ASMT: variants seen among roughly 807,000 people sequenced by gnomAD.
ASMT encodes the protein acetylserotonin O-methyltransferase, also known as acetylserotonin N-methyltransferase.
ASMT carries 53 observed loss-of-function variants against 41.3 expected under a neutral mutation model. The observed-to-expected ratio is 1.28, with a 90% CI of 1.03 to 1.61. ASMT has a LOEUF of 1.61. Among genes scored for constraint, ASMT ranks in the 40% most tolerant of loss-of-function variants. The pLI, the probability that ASMT is intolerant of heterozygous loss-of-function variation, is 0.00. For synonymous variants in ASMT, 231 were observed against 184.8 expected, an observed-to-expected ratio of 1.25 and a Z score of -2.03; for missense variants, 531 against 441.3, an observed-to-expected ratio of 1.20 and a Z score of -1.82.
intron 4 of ASMT, 132 bp downstream of exon 4, chrX:1,627,903 C>G: frequency 1.1e-6 from 1 of 884,958 alleles, no homozygotes; most frequent in Non-Finnish European, 1.9e-6. Context: ...AAAATAACAT[C>G]CCCTATCCCC....
chrX:1,625,241 A>G (rs1342432777), intron 3 of ASMT, among the ~76,000 whole-genome samples: 1 of 150,852 alleles, frequency 6.6e-6, no homozygotes. Context: ...AGTAGCTGGG[A>G]CTACAGGAAC....
In ASMT at chrX:1,615,164, A is replaced by C. The variant is rs1934030843; in HGVS notation, c.-36A>C. ...CTGTGCTCCTTGAAGCAAGCGCTCC[A>C]GAGGCTCCGGAAGCCACGGCTGGAT... On this transcript the variant is annotated 5_prime_UTR_variant, in exon 1 of 9. Transcript: ENST00000381241. The C allele has an allele frequency of 1.3e-6, 2 of 1,564,128 alleles. No homozygotes were observed. Among genetic ancestry groups the C allele is most frequent in the Non-Finnish European group, 1.7e-6 (2 of 1,152,924 alleles).
chrX:1,626,114 G>C (rs762026961), intron 3 of ASMT, among the ~76,000 whole-genome samples: 96 of 152,070 alleles, frequency 6.3e-4, no homozygotes, highest in Non-Finnish European at 1.0e-3. Context: ...TCAGAAAAAA[G>C]GAAGGAAAAG....
intron 5 of ASMT, among the ~76,000 whole-genome samples, chrX:1,630,495 C>T (rs5949027): frequency 0.13 from 19,476 of 151,548 alleles, 1,075 homozygotes; most frequent in Middle Eastern, 0.17. Context: ...TTAATAGAGA[C>T]GGGGTTTTGC....
At chrX:1,625,675 C>T (rs1934512527) in intron 3 of ASMT, among the ~76,000 whole-genome samples, 1 of 151,434 alleles carries the variant, frequency 6.6e-6, no homozygotes, top group South Asian at 2.1e-4. Context: ...GTCTGGGTGG[C>T]CGGACGCAGT....
chrX:1,636,176 C>G (rs1450708068), intron 7 of ASMT: 2 of 506,490 alleles, frequency 3.9e-6, no homozygotes, highest in African/African-American at 1.9e-5. Context: ...CCAGGATGGT[C>G]TTGATCTCCT....
chrX:1,630,441 G>C (rs1279087712), intron 5 of ASMT, among the ~76,000 whole-genome samples: 10 of 152,012 alleles, frequency 6.6e-5, no homozygotes, highest in African/African-American at 2.4e-4. Context: ...GAGTAGGTGG[G>C]ATTATGGGTG....
At chrX:1,634,679 T>C (rs753157556) in intron 7 of ASMT, among the ~76,000 whole-genome samples, 1 of 148,690 alleles carries the variant, frequency 6.7e-6, no homozygotes, top group Admixed American at 6.6e-5. Context: ...TTTCTTGTTT[T>C]TTTGAGACGG....
intron 5 of ASMT, among the ~76,000 whole-genome samples, chrX:1,631,864 G>A (rs1291952885): frequency 6.6e-6 from 1 of 151,980 alleles, no homozygotes; most frequent in Non-Finnish European, 1.5e-5. Context: ...CCTGACCAAC[G>A]GGGTGAAACC....
At chrX:1,642,190 G>T (rs768969210) in intron 8 of ASMT, among the ~76,000 whole-genome samples, 1 of 144,468 alleles carries the variant, frequency 6.9e-6, no homozygotes, top group Non-Finnish European at 1.5e-5. Flanking sequence ...CTCTGTGTGT[G>T]ATAAGGACAG....
chrX:1,620,967 G>A (rs1359482788), intron 1 of ASMT, among the ~76,000 whole-genome samples: 4 of 151,850 alleles, frequency 2.6e-5, no homozygotes, highest in Admixed American at 6.6e-5. Flanking sequence ...GTGGTGGCAC[G>A]TGCCTGTAAT....
chrX:1,629,039 C>G (rs1461137549), intron 4 of ASMT, among the ~76,000 whole-genome samples: 3 of 142,862 alleles, frequency 2.1e-5, no homozygotes, highest in African/African-American at 8.9e-5. Flanking sequence ...TCCCTCCCTC[C>G]TTTCTTTCTT....
chrX:1,636,111 A>G (rs1328728338), intron 7 of ASMT: 1 of 364,032 alleles, frequency 2.7e-6, no homozygotes, highest in Non-Finnish European at 5.4e-6. Flanking sequence ...ACCCGCCATC[A>G]CGCCCGGCTA....
intron 5 of ASMT, among the ~76,000 whole-genome samples, chrX:1,630,601 G>C (rs1216765775): frequency 6.6e-6 from 1 of 151,978 alleles, no homozygotes; most frequent in African/African-American, 2.4e-5. Context: ...TTGTCACCCA[G>C]GCTCGAGTGC....
intron 5 of ASMT, among the ~76,000 whole-genome samples, chrX:1,631,640 C>G (rs547623868): frequency 3.9e-5 from 6 of 151,952 alleles, no homozygotes; most frequent in Non-Finnish European, 8.8e-5. Flanking sequence ...GCAGACCGGG[C>G]GCGGTGGCTC....
rs1428030758 is a variant in ASMT at position 1,621,458 on chromosome X, C to A, written c.70-1681C>A. On this transcript the variant is annotated intron_variant, in intron 1 of 8. Transcript: ENST00000381241. ...TCACCCTCCCCAGTAGCTGGGACTA[C>A]AGGCTCACACCACCATGCCCAGCTA... 2.0e-5 allele frequency among the ~76,000 whole-genome samples: 3 copies of A among 151,848 alleles called. No individual in the cohort carries two copies. The South Asian group carries it at 6.2e-4, about 32-fold the overall frequency.
In ASMT at chrX:1,623,165, C is replaced by A; in HGVS notation, c.96C>A (p.Gly32=). The A allele has an allele frequency of 1.2e-6, 2 of 1,612,828 alleles. No individual in the cohort carries two copies. The highest frequency in any genetic ancestry group is 1.7e-6 in the Non-Finnish European group (2 of 1,179,832). Residue 32 remains glycine, a synonymous_variant, in exon 2 of 9, where the codon GGC becomes GGA. Coordinates refer to ENST00000381241, the MANE Select transcript of ASMT (RefSeq NM_001171038.2). The part of the protein sequence containing the change: ...SQVLFAACEL[G]VFDLLAEAPG... ...TTCTCTTCGCCGCCTGCGAGCTGGG[C>A]GTGTTTGACCTTCTCGCCGAGGCCC...
intron 8 of ASMT, among the ~76,000 whole-genome samples, chrX:1,640,454 TGAG>T (rs1935103231): frequency 5.0e-5 from 2 of 39,772 alleles, no homozygotes; most frequent in Non-Finnish European, 7.3e-5. Flanking sequence ...CCTCTGTGTG[TGAG>T]ATAGGGACCA....
chrX:1,615,304 T>C (rs781374980), intron 1 of ASMT, 36 bp downstream of exon 1: 5 of 1,541,914 alleles, frequency 3.2e-6, no homozygotes, highest in East Asian at 4.7e-5. Flanking sequence ...GGGAATAGAC[T>C]TCCGTTCATC....
Sources: allele counts gnomAD v4.1 joint callset (sites outside exome capture counted in the v4.1 genomes callset), GRCh38; gene constraint gnomAD v4.1.1; transcripts MANE v1.5; gene names NCBI Gene and HGNC (gene_info 2026-07-23, HGNC 2026-07-21).